The following KCTD1 variants were observed in gnomAD, a reference collection of about 807,000 sequenced individuals.
KCTD1 encodes BTB/POZ domain-containing protein KCTD1.
KCTD1 carries 24 observed loss-of-function variants against 66.0 expected under a neutral mutation model. That is an observed-to-expected ratio of 0.36 (90% CI 0.26 to 0.51). The LOEUF (loss-of-function observed/expected upper bound fraction) is 0.51. Ranked by LOEUF, KCTD1 falls within the 20% of genes least tolerant of loss-of-function variation. The pLI, the probability that KCTD1 is intolerant of heterozygous loss-of-function variation, is 0.95. For missense variants in KCTD1, 943 were observed against 1,205.2 expected (o/e 0.78, Z 3.22); for synonymous variants, 511 against 517.2 (o/e 0.99, Z 0.16).
intron 1 of KCTD1, among the ~76,000 whole-genome samples, chr18:26,529,539 C>A (rs887093391): frequency 6.6e-6 from 1 of 152,162 alleles, no homozygotes; most frequent in Non-Finnish European, 1.5e-5. Flanking sequence ...TCTCTGCACC[C>A]CCAGAAGTTA....
intron 1 of KCTD1, among the ~76,000 whole-genome samples, chr18:26,625,588 G>A (rs1328098736): frequency 6.6e-6 from 1 of 152,174 alleles, no homozygotes; most frequent in Admixed American, 6.5e-5. Flanking sequence ...GCAGAACTGT[G>A]AGTCAATTAA....
chr18:26,656,549 A>G (rs1171877735), intron 1 of KCTD1, among the ~76,000 whole-genome samples: 2 of 150,154 alleles, frequency 1.3e-5, no homozygotes, highest in Non-Finnish European at 2.9e-5. Flanking sequence ...CCGGCGACGA[A>G]GAGCGCCGGG....
intron 1 of KCTD1, among the ~76,000 whole-genome samples, chr18:26,529,372 CCCG>C: frequency 6.6e-6 from 1 of 152,334 alleles, no homozygotes; most frequent in East Asian, 1.9e-4. Flanking sequence ...AGCTTTCTCT[CCCG>C]CCACTTCCCT....
chr18:26,568,488 C>T (rs139232435), intron 1 of KCTD1, among the ~76,000 whole-genome samples: 2,083 of 152,140 alleles, frequency 0.014, 53 homozygotes, highest in African/African-American at 0.048. Flanking sequence ...CCACCCACCT[C>T]GGCCTCCCAA....
At chr18:26,577,377 T>C (rs1237016055) in intron 1 of KCTD1, among the ~76,000 whole-genome samples, 3 of 152,246 alleles carry the variant, frequency 2.0e-5, no homozygotes, top group African/African-American at 7.2e-5. Context: ...CCCTTGTTAA[T>C]GTTGTTATCA....
intron 1 of KCTD1, among the ~76,000 whole-genome samples, chr18:26,518,969 T>C (rs1015795464): frequency 2.0e-5 from 3 of 152,238 alleles, no homozygotes; most frequent in Non-Finnish European, 2.9e-5. Context: ...AAATGTAAAC[T>C]TTACAAGTAT....
Position 26,480,040 on chromosome 18 carries a change from A to ATTTT in KCTD1, c.1989-3385_1989-3382dup, listed in dbSNP as rs199551482. Among the ~76,000 whole-genome samples the ATTTT allele has an allele frequency of 2.1e-3, 298 of 139,768 alleles. 8 individuals are homozygous for ATTTT. In the East Asian group the frequency reaches 0.028, roughly 13 times the overall value. The allele number at this position is 139,768 out of a possible 152,430, so 91.7% of individuals were successfully genotyped here. On this transcript the variant is annotated intron_variant, in intron 2 of 4. Coordinates refer to ENST00000580059, the MANE Select transcript of KCTD1 (RefSeq NM_001142730.3). The stretch of plus-strand genomic sequence containing the variant: ...CAGACGATGTATGGCTGGTTTTGGA[A>ATTTT]TTTTTTTTTTTTTTTTTTTTTCACT...
At chr18:26,530,186 A>G (rs1157765745) in intron 1 of KCTD1, among the ~76,000 whole-genome samples, 1 of 152,158 alleles carries the variant, frequency 6.6e-6, no homozygotes, top group Non-Finnish European at 1.5e-5. Context: ...AAATTTTAAC[A>G]TGGACCCCCT....
chr18:26,498,224 G>C (rs191418982), intron 2 of KCTD1, among the ~76,000 whole-genome samples: 7 of 152,124 alleles, frequency 4.6e-5, no homozygotes, highest in Non-Finnish European at 4.4e-5. Flanking sequence ...AATTATTTTT[G>C]CTGTTGCTCC....
chr18:26,478,409 C>A (rs1055319730), intron 2 of KCTD1, among the ~76,000 whole-genome samples: 1 of 152,098 alleles, frequency 6.6e-6, no homozygotes, highest in Non-Finnish European at 1.5e-5. Flanking sequence ...TTACCAATAT[C>A]GAATGAAAGC....
upstream of KCTD1, among the ~76,000 whole-genome samples, chr18:26,645,113 T>C (rs1004186459): frequency 9.2e-5 from 14 of 152,240 alleles, no homozygotes; most frequent in African/African-American, 2.7e-4. Context: ...CAAATAACTT[T>C]AGAAAATCTA....
chr18:26,505,152 C>T (rs1046829423), intron 1 of KCTD1, among the ~76,000 whole-genome samples: 5 of 152,262 alleles, frequency 3.3e-5, no homozygotes, highest in Non-Finnish European at 5.9e-5. Flanking sequence ...TGCTTCCCTG[C>T]GAGGTCATTT....
At chr18:26,532,257 C>CTTTTTTTTTTTTTTTTTTTTT (rs757573584) in intron 1 of KCTD1, among the ~76,000 whole-genome samples, 1 of 128,194 alleles carries the variant, frequency 7.8e-6, no homozygotes, top group Admixed American at 7.5e-5. Flanking sequence ...TCTTTTCTTT[C>CTTTTTTTTTTTTTTTTTTTTT]CTTCTTTTTT....
chr18:26,462,982 T>C (rs1313429434), intron 3 of KCTD1, among the ~76,000 whole-genome samples: 2 of 151,938 alleles, frequency 1.3e-5, no homozygotes, highest in Admixed American at 6.6e-5. Flanking sequence ...TTGGTGGAAA[T>C]AGGCAGGGGT....
intron 1 of KCTD1, among the ~76,000 whole-genome samples, chr18:26,620,346 CTT>C (rs1987346651): frequency 2.4e-5 from 1 of 41,020 alleles, no homozygotes; most frequent in African/African-American, 1.3e-4. Flanking sequence ...GAAGGTAAAT[CTT>C]AAAAAAAAAA....
chr18:26,531,232 C>T (rs1025617908), intron 1 of KCTD1, among the ~76,000 whole-genome samples: 2 of 152,146 alleles, frequency 1.3e-5, no homozygotes, highest in Non-Finnish European at 2.9e-5. Context: ...GTGGCTCACA[C>T]CTGTAATCCT....
chr18:26,505,218 G>C (rs1257113990), intron 1 of KCTD1, among the ~76,000 whole-genome samples: 1 of 152,274 alleles, frequency 6.6e-6, no homozygotes, highest in Non-Finnish European at 1.5e-5. Context: ...AGATGCAGCA[G>C]AGCCTTCTGT....
At position 26,564,173 on chromosome 18, in the gene KCTD1, G is replaced by T. The variant is rs559612962; in HGVS notation, c.-15-62923C>A. Among the ~76,000 whole-genome samples, 5 of 152,190 alleles carry T rather than the reference G, an allele frequency of 3.3e-5. No homozygotes were observed. In the South Asian group the frequency reaches 1.0e-3, roughly 32 times the overall value. ...GTGTATCCATTCATTTTTTGCACAA[G>T]GAGAAGGACTGGGATGCTAACTCAG... On this transcript the variant is annotated intron_variant, in intron 1 of 4. Coordinates refer to the KCTD1 transcript ENST00000317932.
At chr18:26,586,693 A>C (rs1399679696) in intron 1 of KCTD1, among the ~76,000 whole-genome samples, 2 of 152,226 alleles carry the variant, frequency 1.3e-5, no homozygotes, top group African/African-American at 2.4e-5. Context: ...ACAAATAACA[A>C]GAAAGCAAAA....
Sources: gnomAD v4.1 joint callset for allele counts (sites outside exome capture counted in the v4.1 genomes callset) on GRCh38, gnomAD v4.1.1 for gene constraint, MANE v1.5 for transcripts, NCBI Gene and HGNC (gene_info 2026-07-23, HGNC 2026-07-21) for gene names.